GPR22: variants seen among roughly 807,000 people sequenced by gnomAD.
GPR22 encodes G-protein coupled receptor 22.
A neutral mutation model predicts 31.0 loss-of-function variants in GPR22; 13 were observed. That is an observed-to-expected ratio of 0.42 (90% CI 0.27 to 0.67). GPR22 has a LOEUF of 0.67. GPR22 is among the 30% of genes least tolerant of loss of function. The probability of loss-of-function intolerance (pLI) is 0.25; values close to 1 mark genes in which losing one functional copy is unlikely to be tolerated. For synonymous variants in GPR22, 191 were observed against 173.4 expected, an observed-to-expected ratio of 1.10 and a Z score of -0.80; for missense variants, 368 against 509.6, an observed-to-expected ratio of 0.72 and a Z score of 2.67.
At position 107,474,494 on chromosome 7, in the gene GPR22, T is replaced by C; in HGVS notation, c.434T>C (p.Val145Ala). The C allele has an allele frequency of 6.2e-7, 1 of 1,613,226 alleles. No homozygotes were observed. Among genetic ancestry groups the C allele is most frequent in the Non-Finnish European group, 8.5e-7 (1 of 1,179,462 alleles). ...AITLDRYDIS[V>A]KPANRILTMG... ...ACTTTGGACAGATATGACATCTCTG[T>C]AAAACCTGCAAACCGAATTCTGACA... The change falls in exon 3 of 3, where the codon GTA becomes GCA. Residue 145 changes from valine to alanine, a missense_variant. Coordinates refer to ENST00000304402, the MANE Select transcript of GPR22 (RefSeq NM_005295.3). This position sits in a 1 kb window ranked among gnomAD's most constrained non-coding sequence, Gnocchi z 5.7.
chr7:107,476,184 T>TAAAAAAAAAA (rs34741713), downstream of GPR22, among the ~76,000 whole-genome samples: 8 of 44,032 alleles, frequency 1.8e-4, no homozygotes, highest in Non-Finnish European at 2.6e-4. Flanking sequence ...GCAATGATTT[T>TAAAAAAAAAA]AAAAAAAAAA....
downstream of GPR22, among the ~76,000 whole-genome samples, chr7:107,476,890 G>A (rs1797029779): frequency 6.6e-6 from 1 of 151,412 alleles, no homozygotes; most frequent in South Asian, 2.1e-4. Flanking sequence ...CTAATCCTTG[G>A]AGAAATGAAT....
chr7:107,476,753 T>C (rs919448665), downstream of GPR22, among the ~76,000 whole-genome samples: 3 of 151,710 alleles, frequency 2.0e-5, no homozygotes, highest in Non-Finnish European at 4.4e-5. Flanking sequence ...TTCTATTTTC[T>C]GAAACTGTAT....
At chr7:107,471,133 A>G (rs1796608540) in intron 1 of GPR22, among the ~76,000 whole-genome samples, 1 of 152,078 alleles carries the variant, frequency 6.6e-6, no homozygotes, top group Non-Finnish European at 1.5e-5. Context: ...CTTTTCTCTC[A>G]CAATTGTATT....
At chr7:107,477,353 GAAAAACT>G (rs1797052456), downstream of GPR22, among the ~76,000 whole-genome samples, 1 of 151,434 alleles carries the variant, frequency 6.6e-6, no homozygotes. Flanking sequence ...TTCATATTAA[GAAAAACT>G]CCCTTGTGTT....
Position 107,474,629 on chromosome 7 carries a change from G to T in GPR22, c.569G>T (p.Trp190Leu). The T allele has an allele frequency of 1.9e-6, 3 of 1,610,424 alleles. No homozygotes were observed. The highest frequency in any genetic ancestry group is 2.5e-6 in the Non-Finnish European group (3 of 1,177,786). The change falls in exon 3 of 3, where the codon TGG becomes TTG. Residue 190 changes from tryptophan to leucine, a missense_variant. Coordinates refer to ENST00000304402, the MANE Select transcript of GPR22 (RefSeq NM_005295.3). The surrounding 1 kb of genome is among the most constrained non-coding windows in gnomAD (Gnocchi z 5.7). The stretch of plus-strand genomic sequence containing the variant: ...TTCAGTCTTCAAAGTGGAAATACCT[G>T]GGAAAACAAGACACTTTTATGTGTC... The part of the protein sequence containing the change: ...NFFSLQSGNT[W>L]ENKTLLCVST...
At chr7:107,473,418 A>G (rs1796761346) in intron 2 of GPR22, among the ~76,000 whole-genome samples, 1 of 151,956 alleles carries the variant, frequency 6.6e-6, no homozygotes, top group Non-Finnish European at 1.5e-5. Context: ...TAACTGTGAT[A>G]TGTAAAATAT....
chr7:107,476,019 G>C (rs1190693929), downstream of GPR22, among the ~76,000 whole-genome samples: 2 of 149,270 alleles, frequency 1.3e-5, no homozygotes, highest in Admixed American at 6.7e-5. Flanking sequence ...TGCTTACTAG[G>C]AAAAAAAAGA....
chr7:107,472,512 G>A (rs1796697127), intron 2 of GPR22: 1 of 151,840 alleles, frequency 6.6e-6, no homozygotes, highest in African/African-American at 2.4e-5. Flanking sequence ...TGACATTTCT[G>A]CTTTATTTAA....
In GPR22 at chr7:107,474,807, G is replaced by A. The variant is rs1796870080; in HGVS notation, c.747G>A (p.Gly249=). 3 of 1,612,660 alleles carry A rather than the reference G, an allele frequency of 1.9e-6. No homozygotes were observed. The South Asian group carries it at 3.3e-5, about 18-fold the overall frequency. ...GAATAGGCACAAGATTTTCAACAGG[G>A]CAGAAGAAGAAAGCAAGAAAGAAAA... The part of the protein sequence containing the change: ...NIRIGTRFST[G]QKKKARKKKT... The change falls in exon 3 of 3, where the codon GGG becomes GGA. Residue 249 remains glycine (G), a synonymous_variant. Coordinates refer to ENST00000304402, the MANE Select transcript of GPR22 (RefSeq NM_005295.3). The surrounding 1 kb of genome is among the most constrained non-coding windows in gnomAD (Gnocchi z 5.7).
At chr7:107,472,809 A>G (rs1796717381) in intron 2 of GPR22, 1 of 151,954 alleles carries the variant, frequency 6.6e-6, no homozygotes, top group African/African-American at 2.4e-5. Context: ...GAAAATTATT[A>G]GCTTTTATAA....
chr7:107,475,836 CTA>C (rs1016130790), downstream of GPR22, among the ~76,000 whole-genome samples: 6 of 151,524 alleles, frequency 4.0e-5, no homozygotes, highest in Non-Finnish European at 7.4e-5. Context: ...TACCACTATG[CTA>C]TGTTTCCTGG....
At chr7:107,475,769 G>A (rs532047422), downstream of GPR22, 1 of 168,350 alleles carries the variant, frequency 5.9e-6, no homozygotes, top group South Asian at 2.0e-4. Flanking sequence ...TACAACTGGA[G>A]TAGCATTTTA....
chr7:107,476,304 G>GA (rs5886418), downstream of GPR22, among the ~76,000 whole-genome samples: 63,352 of 143,858 alleles, frequency 0.44, 14,072 homozygotes, highest in Non-Finnish European at 0.51. Context: ...TACCAGGAAT[G>GA]AAAAAAAAAA....
At chr7:107,476,067 T>C (rs1277275055), downstream of GPR22, among the ~76,000 whole-genome samples, 1 of 149,776 alleles carries the variant, frequency 6.7e-6, no homozygotes, top group Non-Finnish European at 1.5e-5. Flanking sequence ...GCCTATAATA[T>C]ACAAATGAAA....
At position 107,474,909 on chromosome 7, in the gene GPR22, T is replaced by C; in HGVS notation, c.849T>C (p.Gly283=). The C allele has an allele frequency of 6.2e-7, 1 of 1,613,220 alleles. No homozygotes were observed. The highest frequency in any genetic ancestry group is 1.1e-5 in the South Asian group (1 of 91,026). ...GTGGTGGGAGAAATGTAGTCTTTGG[T>C]GTAAGAACTTCAGTTTCTGTAATAA... The part of the protein sequence containing the change: ...QSSGGRNVVF[G]VRTSVSVIIA... The change falls in exon 3 of 3, where the codon GGT becomes GGC. Residue 283 remains glycine, a synonymous_variant. Transcript: ENST00000304402. This position sits in a 1 kb window ranked among gnomAD's most constrained non-coding sequence, Gnocchi z 5.7.
rs1796932520 is a variant in GPR22 at position 107,475,663 on chromosome 7, T to TA, written c.*302dup. On this transcript the variant is annotated 3_prime_UTR_variant, in exon 3 of 3. Coordinates refer to ENST00000304402, the MANE Select transcript of GPR22 (RefSeq NM_005295.3). ...ATAAATACATAGCCTTAAAACAGTG[T>TA]ATAACTTTAAAATGTAACTGACATA... 1 of 221,506 alleles carries TA rather than the reference T, an allele frequency of 4.5e-6. No individual in the cohort carries two copies. Among genetic ancestry groups the TA allele is most frequent in the Admixed American group, 5.6e-5 (1 of 17,728 alleles). The allele number at this position is 221,506 out of a possible 1,614,324, so 13.7% of individuals were successfully genotyped here.
chr7:107,471,282 G>C (rs949942230), intron 1 of GPR22, 90 bp from the exon 2 acceptor site: 2 of 151,878 alleles, frequency 1.3e-5, no homozygotes, highest in Non-Finnish European at 2.9e-5. Context: ...ACAAATACTG[G>C]ATAGTTTTTA....
In GPR22 at chr7:107,474,251, T is replaced by C. The variant is rs372074309; in HGVS notation, c.191T>C (p.Val64Ala). Residue 64 changes from valine (V) to alanine (A), a missense_variant, in exon 3 of 3, where the codon GTA (valine) becomes GCA (alanine). Coordinates refer to ENST00000304402, the MANE Select transcript of GPR22 (RefSeq NM_005295.3). This position sits in a 1 kb window ranked among gnomAD's most constrained non-coding sequence, Gnocchi z 5.7. Reference protein sequence around the residue: ...LGLGSNLTVLVLYCMKSNLIN... With the variant: ...LGLGSNLTVLALYCMKSNLIN... ...CTTGGCAGCAACCTCACTGTATTGG[T>C]ACTTTACTGCATGAAATCCAACTTA... 2.7e-5 allele frequency: 43 copies of C among 1,612,748 alleles called. No individual in the cohort carries two copies. The highest frequency in any genetic ancestry group is 2.5e-4 in the African/African-American group (19 of 74,988).
Sources: gnomAD v4.1 joint callset for allele counts (sites outside exome capture counted in the v4.1 genomes callset) on GRCh38, gnomAD v4.1.1 for gene constraint, Gnocchi (gnomAD v3.1) non-coding constraint, MANE v1.5 for transcripts, NCBI Gene and HGNC (gene_info 2026-07-23, HGNC 2026-07-21) for gene names.